The following GRM7 variants were observed in gnomAD, a reference collection of about 807,000 sequenced individuals.
The protein encoded by GRM7 is metabotropic glutamate receptor 7.
GRM7 carries 35 observed loss-of-function variants against 84.5 expected under a neutral mutation model. The ratio of observed to expected loss-of-function variants is 0.41; its 90% CI spans 0.32 to 0.55. The LOEUF (loss-of-function observed/expected upper bound fraction) is 0.55. Among genes scored for constraint, GRM7 ranks in the 20% least tolerant of loss-of-function variants. The pLI is 0.19. For missense variants in GRM7, 1,003 were observed against 1,194.6 expected (o/e 0.84, Z 2.36); for synonymous variants, 487 against 455.1 (o/e 1.07, Z -0.89).
At chr3:7,013,613 C>T (rs17046535) in intron 1 of GRM7, among the ~76,000 whole-genome samples, 71,810 of 151,928 alleles carry the variant, frequency 0.47, 18,172 homozygotes, top group Non-Finnish European at 0.55. Flanking sequence ...TATATGAGTT[C>T]GTTTGAATTA....
At chr3:7,155,638 G>A (rs1694424637) in intron 2 of GRM7, among the ~76,000 whole-genome samples, 1 of 152,108 alleles carries the variant, frequency 6.6e-6, no homozygotes, top group Admixed American at 6.6e-5. Flanking sequence ...ATGTGTAAAT[G>A]CAGCCTCTTT....
intron 2 of GRM7, among the ~76,000 whole-genome samples, chr3:7,207,838 C>T (rs934191873): frequency 6.6e-6 from 1 of 152,160 alleles, no homozygotes; most frequent in African/African-American, 2.4e-5. Context: ...TTTGCTACAT[C>T]TGTTCAAAAG....
chr3:6,977,993 G>C (rs963602981), intron 1 of GRM7, among the ~76,000 whole-genome samples: 3 of 152,058 alleles, frequency 2.0e-5, no homozygotes, highest in African/African-American at 7.3e-5. Context: ...TTGAGTGGTG[G>C]CCCCTCAAAA....
chr3:6,959,748 A>T (rs955047727), intron 1 of GRM7, among the ~76,000 whole-genome samples: 6 of 152,232 alleles, frequency 3.9e-5, no homozygotes, highest in African/African-American at 1.4e-4. Flanking sequence ...TATCTTTATG[A>T]CAATATGTAT....
chr3:6,947,508 A>C (rs1375553704), intron 1 of GRM7, among the ~76,000 whole-genome samples: 1 of 152,116 alleles, frequency 6.6e-6, no homozygotes, highest in Non-Finnish European at 1.5e-5. Context: ...ATTGGTCTAA[A>C]ATTCTCTCTT....
chr3:7,452,193 C>T (rs549812650), intron 5 of GRM7, among the ~76,000 whole-genome samples: 6 of 152,214 alleles, frequency 3.9e-5, no homozygotes, highest in South Asian at 2.1e-4. Context: ...GCAACAGAGA[C>T]GGTACAATAG....
intron 7 of GRM7, among the ~76,000 whole-genome samples, chr3:7,469,156 T>C (rs1698586824): frequency 6.6e-6 from 1 of 152,210 alleles, no homozygotes. Context: ...GACTAGGTCA[T>C]TGTTGACTTA....
At chr3:6,892,082 A>T (rs944334606) in intron 1 of GRM7, among the ~76,000 whole-genome samples, 4 of 152,110 alleles carry the variant, frequency 2.6e-5, no homozygotes, top group African/African-American at 9.7e-5. Context: ...TTTCAGCTCC[A>T]TCAGCTCCTT....
At chr3:7,060,443 T>C (rs1401812438) in intron 1 of GRM7, among the ~76,000 whole-genome samples, 5 of 151,796 alleles carry the variant, frequency 3.3e-5, no homozygotes, top group Admixed American at 1.3e-4. Context: ...AAACATATGC[T>C]GTCTTTACCA....
At chr3:7,678,819 A>G (rs981315956) in intron 8 of GRM7, among the ~76,000 whole-genome samples, 3 of 152,236 alleles carry the variant, frequency 2.0e-5, no homozygotes, top group Non-Finnish European at 2.9e-5. Flanking sequence ...ATGTCCAGGC[A>G]GCCAATATGT....
chr3:7,411,543 C>T (rs961344149), intron 4 of GRM7, among the ~76,000 whole-genome samples: 3 of 152,138 alleles, frequency 2.0e-5, no homozygotes, highest in Non-Finnish European at 4.4e-5. Flanking sequence ...TGTAGTTGAA[C>T]CACATATGAC....
chr3:7,314,885 T>G (rs916420751), intron 4 of GRM7, among the ~76,000 whole-genome samples: 2 of 152,148 alleles, frequency 1.3e-5, no homozygotes, highest in Non-Finnish European at 2.9e-5. Context: ...ATGTAGTAGC[T>G]CTAGAAATAG....
chr3:7,441,374 T>C (rs1169635161), intron 5 of GRM7, among the ~76,000 whole-genome samples: 3 of 152,186 alleles, frequency 2.0e-5, no homozygotes, highest in African/African-American at 4.8e-5. Flanking sequence ...AAGTTCATTA[T>C]AGATTCTGGA....
At chr3:7,239,523 G>A (rs1697472082) in intron 2 of GRM7, among the ~76,000 whole-genome samples, 1 of 152,108 alleles carries the variant, frequency 6.6e-6, no homozygotes, top group African/African-American at 2.4e-5. Context: ...AGTTTTGTAT[G>A]ACTGGCCATT....
At chr3:7,161,681 C>T (rs1694628783) in intron 2 of GRM7, among the ~76,000 whole-genome samples, 1 of 152,076 alleles carries the variant, frequency 6.6e-6, no homozygotes, top group Admixed American at 6.6e-5. Context: ...ATTACTAGTC[C>T]TTCCTTGCTC....
chr3:7,148,384 T>C (rs955899461), intron 2 of GRM7, among the ~76,000 whole-genome samples: 1 of 152,186 alleles, frequency 6.6e-6, no homozygotes, highest in East Asian at 1.9e-4. Context: ...GTTTGCACTA[T>C]ATCATTGTTA....
chr3:7,010,072 C>T (rs1499160), intron 1 of GRM7, among the ~76,000 whole-genome samples: 151,259 of 152,310 alleles, frequency 0.99, 75,113 homozygotes, highest in African/African-American at 1. Flanking sequence ...AAAAGGGAGA[C>T]TTACAGCTAA....
intron 1 of GRM7, among the ~76,000 whole-genome samples, chr3:7,101,259 A>G (rs562915634): frequency 6.6e-6 from 1 of 151,904 alleles, no homozygotes; most frequent in Non-Finnish European, 1.5e-5. Flanking sequence ...AGACTCTCTA[A>G]CTTTTGATAT....
chr3:7,352,054 ACAC>A (rs1292262577), intron 4 of GRM7, among the ~76,000 whole-genome samples: 2 of 105,024 alleles, frequency 1.9e-5, no homozygotes, highest in Admixed American at 2.4e-4. Context: ...ACACACACAC[ACAC>A]CACACACACA....
Sources: allele counts gnomAD v4.1 joint callset (sites outside exome capture counted in the v4.1 genomes callset), GRCh38; gene constraint gnomAD v4.1.1; transcripts MANE v1.5; gene names NCBI Gene and HGNC (gene_info 2026-07-23, HGNC 2026-07-21).